PELI2: variants seen among roughly 807,000 people sequenced by gnomAD.
The protein encoded by PELI2 is E3 ubiquitin-protein ligase pellino homolog 2.
In PELI2, 23 loss-of-function variants were observed where a neutral mutation model predicts 42.3. That is an observed-to-expected ratio of 0.54 (90% confidence interval 0.39 to 0.77). PELI2 has a LOEUF of 0.77. PELI2 is among the 30% of genes least tolerant of loss of function. The probability of loss-of-function intolerance (pLI) is 0.00; values close to 1 mark genes in which losing one functional copy is unlikely to be tolerated. For synonymous variants in PELI2, 245 were observed against 212.2 expected (o/e 1.15, Z -1.34); for missense variants, 463 against 553.2 (o/e 0.84, Z 1.64).
At chr14:56,125,557 CT>C (rs1277098716) in intron 1 of PELI2, among the ~76,000 whole-genome samples, 1 of 151,926 alleles carries the variant, frequency 6.6e-6, no homozygotes, top group Non-Finnish European at 1.5e-5. Context: ...TTTTTACTTA[CT>C]TTTTTTTCTG....
At chr14:56,203,402 G>A (rs996297552) in intron 2 of PELI2, among the ~76,000 whole-genome samples, 12 of 152,112 alleles carry the variant, frequency 7.9e-5, no homozygotes, top group Non-Finnish European at 1.5e-4. Flanking sequence ...GCCAAAAAAG[G>A]TATGTTTTTT....
intron 2 of PELI2, among the ~76,000 whole-genome samples, chr14:56,274,362 TTCTC>T (rs1341529208): frequency 4.6e-5 from 7 of 152,190 alleles, no homozygotes; most frequent in African/African-American, 1.4e-4. Flanking sequence ...ATGTGTTAGT[TTCTC>T]TATTGGCTTT....
At chr14:56,134,824 T>C (rs1291369669) in intron 1 of PELI2, among the ~76,000 whole-genome samples, 2 of 151,586 alleles carry the variant, frequency 1.3e-5, no homozygotes, top group African/African-American at 2.4e-5. Flanking sequence ...CAGGAAAATA[T>C]AAACCATCTT....
chr14:56,123,387 A>G (rs1408480253), intron 1 of PELI2, among the ~76,000 whole-genome samples: 1 of 152,238 alleles, frequency 6.6e-6, no homozygotes, highest in East Asian at 1.9e-4. Context: ...AGGTCTTTGA[A>G]CTTTAAAAAA....
At chr14:56,233,989 C>T (rs1382576314) in intron 2 of PELI2, among the ~76,000 whole-genome samples, 10 of 152,164 alleles carry the variant, frequency 6.6e-5, no homozygotes, top group African/African-American at 2.2e-4. Flanking sequence ...AGCCAACGGA[C>T]ACATGAAAAA....
intron 2 of PELI2, among the ~76,000 whole-genome samples, chr14:56,245,228 A>G (rs1050664315): frequency 2.0e-5 from 3 of 152,302 alleles, no homozygotes; most frequent in African/African-American, 2.4e-5. Context: ...AAACACTGCA[A>G]CAGTTACCAA....
intron 2 of PELI2, among the ~76,000 whole-genome samples, chr14:56,267,110 G>C (rs776950698): frequency 1.1e-4 from 17 of 151,928 alleles, no homozygotes; most frequent in Non-Finnish European, 2.2e-4. Flanking sequence ...ACCATTCACT[G>C]GTAACATTTA....
chr14:56,256,616 A>G (rs188631617), intron 2 of PELI2, among the ~76,000 whole-genome samples: 54 of 152,304 alleles, frequency 3.5e-4, no homozygotes, highest in African/African-American at 1.3e-3. Context: ...TTATGTGGAG[A>G]TGAAGTCTGC....
At chr14:56,295,641 T>C (rs528890419) in intron 5 of PELI2, among the ~76,000 whole-genome samples, 17 of 152,246 alleles carry the variant, frequency 1.1e-4, no homozygotes, top group Non-Finnish European at 2.4e-4. Flanking sequence ...TCTTTGCATT[T>C]ACTTATCTAA....
intron 2 of PELI2, among the ~76,000 whole-genome samples, chr14:56,211,672 T>G (rs928555609): frequency 1.3e-5 from 2 of 152,196 alleles, no homozygotes; most frequent in African/African-American, 4.8e-5. Context: ...CATCAAAGTT[T>G]TAGAGAAATT....
intron 2 of PELI2, among the ~76,000 whole-genome samples, chr14:56,255,279 A>G (rs12589133): frequency 0.048 from 7,260 of 152,350 alleles, 297 homozygotes; most frequent in East Asian, 0.23. Context: ...AATGTGGCAC[A>G]TATACACCAT....
At chr14:56,165,661 T>C (rs191523177) in intron 1 of PELI2, among the ~76,000 whole-genome samples, 7 of 152,328 alleles carry the variant, frequency 4.6e-5, no homozygotes, top group African/African-American at 1.7e-4. Flanking sequence ...TTGGAAGATC[T>C]GTTCAGTGTT....
chr14:56,237,619 G>C (rs1426248109), intron 2 of PELI2, among the ~76,000 whole-genome samples: 1 of 150,980 alleles, frequency 6.6e-6, no homozygotes, highest in African/African-American at 2.4e-5. Flanking sequence ...GCTGCTTCTT[G>C]GGCAATATGG....
At chr14:56,125,641 A>G (rs1031696731) in intron 1 of PELI2, among the ~76,000 whole-genome samples, 1 of 152,162 alleles carries the variant, frequency 6.6e-6, no homozygotes, top group Non-Finnish European at 1.5e-5. Context: ...GGCAACGTAT[A>G]TAAGCAATTT....
At chr14:56,120,754 A>G (rs1176224062) in intron 1 of PELI2, among the ~76,000 whole-genome samples, 1 of 152,202 alleles carries the variant, frequency 6.6e-6, no homozygotes, top group Non-Finnish European at 1.5e-5. Context: ...AGGTGCAGCC[A>G]AGTTCTGAAG....
intron 1 of PELI2, among the ~76,000 whole-genome samples, chr14:56,169,305 C>T (rs2139652691): frequency 6.6e-6 from 1 of 152,316 alleles, no homozygotes; most frequent in Non-Finnish European, 1.5e-5. Flanking sequence ...CGACTGCCCT[C>T]CAAGTTTACA....
chr14:56,300,236 G>T lies in PELI2; in HGVS notation c.*3070G>T, dbSNP rs542630992. The T allele has an allele frequency of 6.5e-6, 1 of 152,730 alleles. No homozygotes were observed. Among genetic ancestry groups the T allele is most frequent in the African/African-American group, 2.4e-5 (1 of 41,554 alleles). 9.5% of individuals were successfully genotyped at this position (152,730 alleles called of 1,614,324 possible). ...ACTGGTTATAGAATTTCAGGGTTAGGGTTTAAAGAAAGGAGAAAGCCATTG... is the reference window on the plus strand; with the variant it reads ...ACTGGTTATAGAATTTCAGGGTTAGTGTTTAAAGAAAGGAGAAAGCCATTG... On this transcript the variant is annotated 3_prime_UTR_variant, in exon 6 of 6. Transcript: ENST00000267460.
At chr14:56,195,816 A>T (rs988862557) in intron 2 of PELI2, among the ~76,000 whole-genome samples, 14 of 152,218 alleles carry the variant, frequency 9.2e-5, no homozygotes, top group Non-Finnish European at 2.9e-5. Context: ...TAATCTGCCC[A>T]GCTGGCAGTT....
chr14:56,161,513 T>A (rs1884765026), intron 1 of PELI2, among the ~76,000 whole-genome samples: 1 of 152,096 alleles, frequency 6.6e-6, no homozygotes, highest in Admixed American at 6.5e-5. Context: ...GACCTCGCGA[T>A]CCATCCGCCT....
Sources: gnomAD v4.1 joint callset for allele counts (sites outside exome capture counted in the v4.1 genomes callset) on GRCh38, gnomAD v4.1.1 for gene constraint, MANE v1.5 for transcripts, NCBI Gene and HGNC (gene_info 2026-07-23, HGNC 2026-07-21) for gene names.